DAP3: variants seen among roughly 807,000 people sequenced by gnomAD.
The protein encoded by DAP3 is small ribosomal subunit protein mS29.
A neutral mutation model predicts 51.9 loss-of-function variants in DAP3; 28 were observed. The ratio of observed to expected loss-of-function variants is 0.54; its 90% CI spans 0.40 to 0.74. The LOEUF (loss-of-function observed/expected upper bound fraction) is 0.74, where lower values mean the gene tolerates loss of function less well. Among genes scored for constraint, DAP3 ranks in the 30% least tolerant of loss-of-function variants. DAP3 has a pLI of 0.00. For synonymous variants in DAP3, 170 were observed against 170.3 expected, an observed-to-expected ratio of 1.00 and a Z score of 0.01; for missense variants, 458 against 483.5, an observed-to-expected ratio of 0.95 and a Z score of 0.49.
chr1:155,706,178 C>A (rs534841938), intron 1 of DAP3, among the ~76,000 whole-genome samples: 2 of 151,984 alleles, frequency 1.3e-5, no homozygotes, highest in South Asian at 2.1e-4. Flanking sequence ...TAATTTTTTT[C>A]TTTTGTTTGT....
chr1:155,731,139 C>T (rs1199780858), intron 9 of DAP3, among the ~76,000 whole-genome samples: 4 of 151,952 alleles, frequency 2.6e-5, no homozygotes, highest in African/African-American at 4.8e-5. Context: ...TGGTGGCGCG[C>T]GCCTATAGTC....
intron 11 of DAP3, 103 bp downstream of exon 11, chr1:155,732,136 AAAATCATATTCCTG>A (rs1659300299): frequency 9.8e-7 from 1 of 1,016,304 alleles, no homozygotes; most frequent in Admixed American, 2.9e-5. Flanking sequence ...GACTTAGAGA[AAAATCATATTCCTG>A]TATGCCCTTC....
chr1:155,728,720 C>T (rs1658873476), intron 7 of DAP3, among the ~76,000 whole-genome samples: 3 of 151,784 alleles, frequency 2.0e-5, no homozygotes, highest in Admixed American at 6.6e-5. Flanking sequence ...ATTAGCCAGG[C>T]GTGGTGACAC....
chr1:155,716,896 T>G, intron 2 of DAP3, 110 bp from the exon 3 acceptor site: 4 of 1,441,276 alleles, frequency 2.8e-6, no homozygotes, highest in Non-Finnish European at 3.7e-6. Flanking sequence ...GTAGTGAGCC[T>G]GAGATCACGC....
chr1:155,694,918 CAA>C (rs943170602), intron 1 of DAP3, among the ~76,000 whole-genome samples: 116 of 152,266 alleles, frequency 7.6e-4, no homozygotes, highest in African/African-American at 2.7e-3. Context: ...TTTAAGGTAA[CAA>C]GAGCCAATTG....
chr1:155,710,793 T>C (rs7520381), intron 2 of DAP3, among the ~76,000 whole-genome samples: 4,196 of 152,224 alleles, frequency 0.028, 202 homozygotes, highest in African/African-American at 0.093. Flanking sequence ...CTGTCTGACT[T>C]CAAAGCCTGT....
chr1:155,729,154 C>G (rs375216873), intron 8 of DAP3, 32 bp downstream of exon 8: 1 of 1,613,846 alleles, frequency 6.2e-7, no homozygotes, highest in Non-Finnish European at 8.5e-7. Flanking sequence ...GTGTAACATG[C>G]GATAACAAGA....
rs755928544 is a variant in DAP3 at position 155,691,682 on chromosome 1, C to T, written c.-8+2508C>T. On this transcript the variant is annotated intron_variant, in intron 1 of 12. Coordinates refer to ENST00000368336, the MANE Select transcript of DAP3 (RefSeq NM_004632.4). ...CCAAACTTTTCCAAAGTGGCCTCACCGCTTAAAAAATCCTAACAGCAACAT... is the reference window on the plus strand; with the variant it reads ...CCAAACTTTTCCAAAGTGGCCTCACTGCTTAAAAAATCCTAACAGCAACAT... Among the ~76,000 whole-genome samples, 7 of 141,700 alleles carry T rather than the reference C, an allele frequency of 4.9e-5. 2 individuals are homozygous for T. The highest frequency in any genetic ancestry group is 1.3e-4 in the African/African-American group (4 of 31,268). The allele number at this position is 141,700 out of a possible 152,430, so 93.0% of individuals were successfully genotyped here. A position where few individuals can be genotyped will look rare whatever the true frequency, so the allele number is the denominator to read the frequency against.
At chr1:155,712,221 G>A (rs1353640222) in intron 2 of DAP3, among the ~76,000 whole-genome samples, 1 of 152,138 alleles carries the variant, frequency 6.6e-6, no homozygotes, top group Non-Finnish European at 1.5e-5. Flanking sequence ...TGTTCATTCT[G>A]GAACTGTACA....
intron 9 of DAP3, among the ~76,000 whole-genome samples, 175 bp from the exon 10 acceptor site, chr1:155,731,181 C>A (rs1056206414): frequency 7.9e-5 from 12 of 151,792 alleles, no homozygotes; most frequent in African/African-American, 1.2e-4. Flanking sequence ...GCAGGAGAAT[C>A]GCTTGAACCC....
intron 2 of DAP3, among the ~76,000 whole-genome samples, chr1:155,714,792 T>C (rs1243538853): frequency 6.6e-6 from 1 of 152,076 alleles, no homozygotes; most frequent in Non-Finnish European, 1.5e-5. Flanking sequence ...GGTACAATAC[T>C]GTCTCTCAAC....
intron 11 of DAP3, among the ~76,000 whole-genome samples, chr1:155,733,933 C>A (rs1485592939): frequency 6.6e-6 from 1 of 152,098 alleles, no homozygotes. Context: ...GCAGAAGGAT[C>A]CCTTGAGCTC....
At position 155,717,269 on chromosome 1, in the gene DAP3, G is replaced by T. The variant is rs138467245; in HGVS notation, c.168+141G>T. The T allele has an allele frequency of 1.2e-3, 1,601 of 1,330,722 alleles. 9 individuals carry two copies. In the African/African-American group the frequency reaches 0.021, roughly 17 times the overall value. The allele number at this position is 1,330,722 out of a possible 1,614,324, so 82.4% of individuals were successfully genotyped here. The stretch of plus-strand genomic sequence containing the variant: ...ATAGTGCACCTGAGATAGCACTCTG[G>T]AACCCAGATTCTCCCTGTCCCTGTC... On this transcript the variant is annotated intron_variant, in intron 3 of 12. Transcript: ENST00000368336.
chr1:155,722,336 G>A (rs1464088640), intron 4 of DAP3, among the ~76,000 whole-genome samples: 1 of 152,164 alleles, frequency 6.6e-6, no homozygotes, highest in Non-Finnish European at 1.5e-5. Context: ...GAGCTCAGGA[G>A]GTGAGGGCTT....
chr1:155,725,075 C>T (rs1268609910), intron 4 of DAP3, among the ~76,000 whole-genome samples: 2 of 152,040 alleles, frequency 1.3e-5, no homozygotes, highest in Non-Finnish European at 1.5e-5. Flanking sequence ...AAGTGGTATA[C>T]ATAATTTTGT....
In DAP3 at chr1:155,721,537, C is replaced by G; in HGVS notation, c.189C>G (p.His63Gln). 6.2e-7 allele frequency: 1 copy of G among 1,613,802 alleles called. No individual in the cohort carries two copies. Among genetic ancestry groups the G allele is most frequent in the South Asian group, 1.1e-5 (1 of 91,082 alleles). ...ENDPAKHGDQ[H>Q]EGQHYNISPQ... The stretch of plus-strand genomic sequence containing the variant: ...CCTAGGCCAAGCATGGGGATCAGCA[C>G]GAGGGTCAGCACTACAACATCTCCC... Residue 63 changes from histidine to glutamine, a missense_variant, in exon 4 of 13, where the codon CAC (histidine) becomes CAG (glutamine). Coordinates refer to ENST00000368336, the MANE Select transcript of DAP3 (RefSeq NM_004632.4).
At chr1:155,725,895 A>C (rs1490207647) in intron 5 of DAP3, 32 bp from the exon 6 acceptor site, 1 of 1,591,176 alleles carries the variant, frequency 6.3e-7, no homozygotes, top group Non-Finnish European at 8.6e-7. Context: ...TGATCCTTCC[A>C]GTCATGTTTT....
chr1:155,711,732 G>T (rs961974570), intron 2 of DAP3, among the ~76,000 whole-genome samples: 1 of 151,436 alleles, frequency 6.6e-6, no homozygotes, highest in Non-Finnish European at 1.5e-5. Context: ...ACAGTAGGCC[G>T]TGAGCAAGCT....
At chr1:155,688,672 A>T (rs1647050877), upstream of DAP3, 1 of 1,532,010 alleles carries the variant, frequency 6.5e-7, no homozygotes, top group African/African-American at 1.4e-5. Context: ...CAGCGGCGCG[A>T]GCCCAAGCCT....
Sources: allele counts gnomAD v4.1 joint callset (sites outside exome capture counted in the v4.1 genomes callset), GRCh38; gene constraint gnomAD v4.1.1; transcripts MANE v1.5; gene names NCBI Gene and HGNC (gene_info 2026-07-23, HGNC 2026-07-21).